Variants in KIF16B observed in about 807,000 individuals in gnomAD.
The protein encoded by KIF16B is kinesin family member 16B, also known as kinesin-like protein KIF16B.
Under a neutral mutation model 156.3 loss-of-function variants are expected in KIF16B, and 98 were observed. The observed-to-expected ratio is 0.63, with a 90% CI of 0.53 to 0.74. The LOEUF is 0.74. Ranked by LOEUF, KIF16B falls within the 30% of genes least tolerant of loss-of-function variation. KIF16B has a pLI of 0.00. For synonymous variants in KIF16B, 564 were observed against 583.7 expected (o/e 0.97, Z 0.49); for missense variants, 1,421 against 1,606.5 (o/e 0.88, Z 1.97).
Position 16,379,891 on chromosome 20 carries a change from C to T in KIF16B, c.2111G>A (p.Arg704His), listed in dbSNP as rs758487171. The T allele has an allele frequency of 1.5e-5, 25 of 1,614,082 alleles. No individual in the cohort carries two copies. The highest frequency in any genetic ancestry group is 4.4e-5 in the South Asian group (4 of 91,088). Residue 704 changes from arginine to histidine, a missense_variant, in exon 19 of 26, where the codon CGC (arginine) becomes CAC (histidine). Arg to His is a conservative substitution (Grantham distance 29). Transcript: ENST00000354981. The stretch of plus-strand genomic sequence containing the variant: ...GAGTCGTTGGAGTTCTTCTTGGACG[C>T]GGAGAAAGGTCTCTTCTTCTTGTCT... The part of the protein sequence containing the change: ...KKRQEEETFL[R>H]VQEELQRLKE...
intron 12 of KIF16B, among the ~76,000 whole-genome samples, chr20:16,447,318 T>C (rs975915296): frequency 3.3e-5 from 5 of 151,896 alleles, no homozygotes; most frequent in African/African-American, 1.2e-4. Context: ...AAAAAGTTCC[T>C]TTTTTTTAAT....
chr20:16,277,938 C>A (rs376661084), intron 25 of KIF16B, among the ~76,000 whole-genome samples: 75 of 152,332 alleles, frequency 4.9e-4, no homozygotes, highest in African/African-American at 1.7e-3. Flanking sequence ...CAGTGACACA[C>A]CTGAGTCTTT....
chr20:16,571,615 A>G (rs2071454182), intron 1 of KIF16B, among the ~76,000 whole-genome samples: 1 of 151,738 alleles, frequency 6.6e-6, no homozygotes, highest in South Asian at 2.1e-4. Flanking sequence ...TGTGTTTGGT[A>G]GGTGCTTAAC....
chr20:16,340,215 C>G (rs7274503), intron 23 of KIF16B, among the ~76,000 whole-genome samples: 6,024 of 152,260 alleles, frequency 0.04, 393 homozygotes, highest in African/African-American at 0.13. Context: ...CACATTTTCA[C>G]ATGACTAGCT....
intron 12 of KIF16B, among the ~76,000 whole-genome samples, chr20:16,434,618 G>C (rs1010195657): frequency 1.3e-5 from 2 of 152,188 alleles, no homozygotes; most frequent in African/African-American, 4.8e-5. Flanking sequence ...TTAGGAATAA[G>C]AATTGCGTGT....
chr20:16,367,414 C>T, intron 22 of KIF16B: 3 of 1,612,846 alleles, frequency 1.9e-6, no homozygotes, highest in South Asian at 2.2e-5. Flanking sequence ...TAAAGCATGG[C>T]ATTTGATCAC....
At chr20:16,516,623 G>A (rs1387438136) in intron 3 of KIF16B, among the ~76,000 whole-genome samples, 2 of 152,140 alleles carry the variant, frequency 1.3e-5, no homozygotes, top group Non-Finnish European at 2.9e-5. Context: ...CGTCCAAGGT[G>A]GGGCCTCAGC....
In KIF16B at chr20:16,408,759, T is replaced by C. The variant is rs6111098; in HGVS notation, c.1613-2303A>G. Among the ~76,000 whole-genome samples, 679 of 152,242 alleles carry C rather than the reference T, an allele frequency of 4.5e-3. 1 individual carries two copies. Among genetic ancestry groups the C allele is most frequent in the African/African-American group, 0.016 (656 of 41,560 alleles). On this transcript the variant is annotated intron_variant, in intron 15 of 25. Transcript: ENST00000354981. ...AAAGAAAGCAAAACTATCATGACAA[T>C]TCAGTGCTTCCATCTAGATAATGTT...
At chr20:16,532,918 G>C (rs900473624) in intron 1 of KIF16B, among the ~76,000 whole-genome samples, 5 of 152,122 alleles carry the variant, frequency 3.3e-5, no homozygotes, top group Admixed American at 6.5e-5. Context: ...TACACCTTTG[G>C]AGCAGCTAAA....
intron 23 of KIF16B, 143 bp downstream of exon 23, chr20:16,356,186 CT>C: frequency 1.0e-6 from 1 of 962,650 alleles, no homozygotes; most frequent in Non-Finnish European, 1.6e-6. Flanking sequence ...GTTTTACAGA[CT>C]GGTTTAAAGA....
At chr20:16,361,241 C>T (rs772370614) in intron 22 of KIF16B, among the ~76,000 whole-genome samples, 2 of 152,172 alleles carry the variant, frequency 1.3e-5, no homozygotes, top group Non-Finnish European at 2.9e-5. Context: ...ACCTATTATG[C>T]CCCAACAATT....
chr20:16,310,632 A>G (rs2063605346), intron 25 of KIF16B, among the ~76,000 whole-genome samples: 1 of 152,220 alleles, frequency 6.6e-6, no homozygotes, highest in African/African-American at 2.4e-5. Context: ...AAGGCAGGGA[A>G]GAGTTAGGTA....
intron 12 of KIF16B, among the ~76,000 whole-genome samples, chr20:16,487,936 C>T (rs1391150173): frequency 6.6e-6 from 1 of 152,092 alleles, no homozygotes; most frequent in African/African-American, 2.4e-5. Context: ...CAAATAATTC[C>T]ACATAATTAA....
chr20:16,400,019 A>G (rs534017572), intron 17 of KIF16B, among the ~76,000 whole-genome samples: 2 of 152,288 alleles, frequency 1.3e-5, no homozygotes, highest in East Asian at 3.9e-4. Context: ...ATGCCTTTCA[A>G]TGCAAGGATG....
chr20:16,309,197 T>G (rs1416391572), intron 25 of KIF16B, among the ~76,000 whole-genome samples: 2 of 152,222 alleles, frequency 1.3e-5, no homozygotes, highest in Non-Finnish European at 2.9e-5. Context: ...AGCCAGATTC[T>G]GAAAAAACTG....
chr20:16,401,612 T>C (rs1221303090), intron 17 of KIF16B, among the ~76,000 whole-genome samples: 1 of 152,216 alleles, frequency 6.6e-6, no homozygotes, highest in Non-Finnish European at 1.5e-5. Context: ...ACAAGGCCCC[T>C]GACCTTAAAA....
At chr20:16,293,187 C>T (rs6111020) in intron 25 of KIF16B, among the ~76,000 whole-genome samples, 59,687 of 151,904 alleles carry the variant, frequency 0.39, 12,746 homozygotes, top group East Asian at 0.9. Flanking sequence ...TGGCAGAAAT[C>T]GATAGAACCC....
At chr20:16,462,410 A>G (rs2067372660) in intron 12 of KIF16B, among the ~76,000 whole-genome samples, 1 of 152,098 alleles carries the variant, frequency 6.6e-6, no homozygotes, top group Admixed American at 6.5e-5. Flanking sequence ...TAAATTTTCT[A>G]CAGTACACTT....
At chr20:16,297,650 C>T (rs1167858434) in intron 25 of KIF16B, among the ~76,000 whole-genome samples, 3 of 148,414 alleles carry the variant, frequency 2.0e-5, no homozygotes, top group African/African-American at 7.5e-5. Context: ...GAGCCTAGAT[C>T]GCACTGTTGC....
Sources: allele counts gnomAD v4.1 joint callset (sites outside exome capture counted in the v4.1 genomes callset), GRCh38; gene constraint gnomAD v4.1.1; transcripts MANE v1.5; gene names NCBI Gene and HGNC (gene_info 2026-07-23, HGNC 2026-07-21).